CCDC169: variants seen among roughly 807,000 people sequenced by gnomAD.
CCDC169 encodes the protein coiled-coil domain containing 169, also known as coiled-coil domain-containing protein 169.
CCDC169 carries 30 observed loss-of-function variants against 36.0 expected under a neutral mutation model. The ratio of observed to expected loss-of-function variants is 0.83; its 90% confidence interval spans 0.62 to 1.13. The LOEUF is 1.13. CCDC169 is among the 50% of genes most tolerant of loss of function. The probability of loss-of-function intolerance (pLI) is 0.00; values close to 1 mark genes in which losing one functional copy is unlikely to be tolerated. For missense variants in CCDC169, 245 were observed against 245.9 expected, an observed-to-expected ratio of 1.00 and a Z score of 0.03; for synonymous variants, 85 against 81.5, an observed-to-expected ratio of 1.04 and a Z score of -0.23.
At chr13:36,238,411 G>C (rs1165341491) in intron 7 of CCDC169, among the ~76,000 whole-genome samples, 1 of 152,150 alleles carries the variant, frequency 6.6e-6, no homozygotes, top group Non-Finnish European at 1.5e-5. Context: ...AGGATACAGA[G>C]CTGTAGGCTA....
chr13:36,229,267 T>A (rs1367168129), downstream of CCDC169, among the ~76,000 whole-genome samples: 2 of 152,182 alleles, frequency 1.3e-5, no homozygotes, highest in Non-Finnish European at 2.9e-5. Context: ...ATACAGATCT[T>A]GGAGTCCCTC....
At chr13:36,284,701 A>G (rs1364141383) in intron 2 of CCDC169, among the ~76,000 whole-genome samples, 1 of 152,236 alleles carries the variant, frequency 6.6e-6, no homozygotes, top group Non-Finnish European at 1.5e-5. Flanking sequence ...TCGAGTCTTT[A>G]AAGTCAGGCT....
chr13:36,224,584 C>T (rs1243518448), downstream of CCDC169: 4 of 152,014 alleles, frequency 2.6e-5, no homozygotes, highest in Admixed American at 2.6e-4. Flanking sequence ...TATATCTAAC[C>T]AAGGAGGTGA....
intron 4 of CCDC169, among the ~76,000 whole-genome samples, chr13:36,259,913 G>A (rs1446827489): frequency 6.6e-6 from 1 of 152,238 alleles, no homozygotes; most frequent in Non-Finnish European, 1.5e-5. Flanking sequence ...GGCGCAGGGA[G>A]GGGAGGGGTG....
intron 7 of CCDC169, among the ~76,000 whole-genome samples, chr13:36,245,975 G>A (rs1166609581): frequency 6.6e-6 from 1 of 152,088 alleles, no homozygotes; most frequent in African/African-American, 2.4e-5. Flanking sequence ...TGTTACTACT[G>A]TAATTGTTTT....
chr13:36,274,065 C>T (rs937375304), intron 4 of CCDC169, among the ~76,000 whole-genome samples: 2 of 152,164 alleles, frequency 1.3e-5, no homozygotes, highest in Non-Finnish European at 2.9e-5. Context: ...CTTCTCTATA[C>T]CTGCTTCCTA....
chr13:36,234,425 A>T (rs959525431), intron 7 of CCDC169, among the ~76,000 whole-genome samples: 6 of 152,208 alleles, frequency 3.9e-5, no homozygotes, highest in African/African-American at 1.2e-4. Context: ...CAGATAGAAT[A>T]TTTGAAAAAT....
At chr13:36,266,283 G>A (rs1298343820) in intron 4 of CCDC169, among the ~76,000 whole-genome samples, 1 of 152,134 alleles carries the variant, frequency 6.6e-6, no homozygotes, top group African/African-American at 2.4e-5. Flanking sequence ...AGCTCCTGAG[G>A]GGGAAACCAG....
downstream of CCDC169, chr13:36,223,762 T>C (rs776369471): frequency 1.1e-4 from 16 of 152,102 alleles, no homozygotes; most frequent in South Asian, 2.1e-4. Flanking sequence ...TATAACTCAA[T>C]TACCTAATTT....
chr13:36,251,799 C>A (rs1348412796), intron 6 of CCDC169, among the ~76,000 whole-genome samples: 1 of 152,028 alleles, frequency 6.6e-6, no homozygotes, highest in African/African-American at 2.4e-5. Context: ...AAGGCTAAGG[C>A]AAGTAGAAAT....
chr13:36,223,270 A>C (rs1462963238), downstream of CCDC169: 1 of 152,202 alleles, frequency 6.6e-6, no homozygotes, highest in Non-Finnish European at 1.5e-5. Flanking sequence ...AGGCACACTG[A>C]CAGCAATCAA....
At chr13:36,224,559 A>C (rs922608947), downstream of CCDC169, 2 of 152,068 alleles carry the variant, frequency 1.3e-5, no homozygotes, top group Non-Finnish European at 2.9e-5. Flanking sequence ...AGACATACAC[A>C]AAAACCCCTA....
intron 2 of CCDC169, among the ~76,000 whole-genome samples, chr13:36,287,025 C>T (rs779353044): frequency 5.9e-5 from 9 of 152,112 alleles, no homozygotes; most frequent in Non-Finnish European, 1.3e-4. Flanking sequence ...TTTTGTCATC[C>T]TCTTTGGGAC....
chr13:36,277,056 A>G (rs1312686755), intron 4 of CCDC169, among the ~76,000 whole-genome samples: 1 of 152,210 alleles, frequency 6.6e-6, no homozygotes, highest in Non-Finnish European at 1.5e-5. Flanking sequence ...AAGACATGGA[A>G]TCAACCCAAA....
At chr13:36,230,657 G>T, downstream of CCDC169, 1 of 547,984 alleles carries the variant, frequency 1.8e-6, no homozygotes, top group Non-Finnish European at 2.3e-6. Context: ...GAAGGGACTT[G>T]CCCAAGATCT....
chr13:36,295,415 G>T lies in CCDC169; in HGVS notation c.163+363C>A, dbSNP rs73169219. On this transcript the variant is annotated intron_variant, in intron 2 of 7. Transcript: ENST00000239859. ...ACAACAATAGCTAAAACCTAGATAC[G>T]GATTTTAAACATATCCCAAACCTAG... Among the ~76,000 whole-genome samples the T allele has an allele frequency of 3.4e-3, 518 of 152,110 alleles. 3 individuals are homozygous for T. Among genetic ancestry groups the T allele is most frequent in the Non-Finnish European group, 6.2e-3 (424 of 68,004 alleles).
intron 4 of CCDC169, among the ~76,000 whole-genome samples, chr13:36,255,363 AC>A (rs1873736366): frequency 6.6e-6 from 1 of 151,986 alleles, no homozygotes; most frequent in African/African-American, 2.4e-5. Flanking sequence ...GTGCCCTTGC[AC>A]CCTGCAGAAA....
chr13:36,252,582 C>T (rs768698352), intron 6 of CCDC169, among the ~76,000 whole-genome samples: 2 of 152,148 alleles, frequency 1.3e-5, no homozygotes, highest in Non-Finnish European at 2.9e-5. Context: ...ACCCTCTTTT[C>T]GGCTCTTCCT....
At chr13:36,247,430 T>G (rs1566065177) in intron 7 of CCDC169, among the ~76,000 whole-genome samples, 1 of 152,198 alleles carries the variant, frequency 6.6e-6, no homozygotes, top group African/African-American at 2.4e-5. Flanking sequence ...GAAGAAAACC[T>G]TCTGGAAAGG....
Sources: allele counts gnomAD v4.1 joint callset (sites outside exome capture counted in the v4.1 genomes callset), GRCh38; gene constraint gnomAD v4.1.1; transcripts MANE v1.5; gene names NCBI Gene and HGNC (gene_info 2026-07-23, HGNC 2026-07-21).